Variants in CTNNA3 observed in about 807,000 individuals in gnomAD.
The protein encoded by CTNNA3 is catenin alpha-3.
CTNNA3 carries 76 observed loss-of-function variants against 95.7 expected under a neutral mutation model. The ratio of observed to expected loss-of-function variants is 0.79; its 90% CI spans 0.66 to 0.96. The LOEUF is 0.96. CTNNA3 is among the 40% of genes least tolerant of loss of function. CTNNA3 has a pLI of 0.00. For synonymous variants in CTNNA3, 431 were observed against 374.4 expected, an observed-to-expected ratio of 1.15 and a Z score of -1.74; for missense variants, 1,191 against 1,089.8, an observed-to-expected ratio of 1.09 and a Z score of -1.31.
At chr10:67,736,087 C>T (rs1039263780) in intron 1 of CTNNA3, among the ~76,000 whole-genome samples, 1 of 152,076 alleles carries the variant, frequency 6.6e-6, no homozygotes, top group East Asian at 1.9e-4. Flanking sequence ...GTGGTATATA[C>T]ATACAATGAA....
chr10:66,106,207 CA>C lies in CTNNA3; in HGVS notation c.1885-2959del, dbSNP rs532405373. On this transcript the variant is annotated intron_variant, in intron 13 of 17. Transcript: ENST00000433211. ...GGGCAACAAGAGTGAAACTCCATCTCAAAAAAAAAAAAAGAAAAAAAAATGG... is the reference window on the plus strand; with the variant it reads ...GGGCAACAAGAGTGAAACTCCATCTCAAAAAAAAAAAAGAAAAAAAAATGG... 3.6e-3 allele frequency among the ~76,000 whole-genome samples: 388 copies of C among 108,662 alleles called. 1 individual carries two copies. Among genetic ancestry groups the C allele is most frequent in the South Asian group, 0.012 (37 of 3,048 alleles). 71.3% of individuals were successfully genotyped at this position (108,662 alleles called of 152,430 possible).
chr10:67,531,725 G>A (rs1292422639), intron 4 of CTNNA3, among the ~76,000 whole-genome samples: 1 of 152,160 alleles, frequency 6.6e-6, no homozygotes, highest in Non-Finnish European at 1.5e-5. Context: ...GAGGACATGA[G>A]ATTTGGGAGG....
chr10:66,631,568 A>T (rs114922715), intron 9 of CTNNA3, among the ~76,000 whole-genome samples: 7,072 of 152,238 alleles, frequency 0.046, 285 homozygotes, highest in African/African-American at 0.1. Context: ...ATTAAAGCAA[A>T]GCAAAACTAC....
intron 5 of CTNNA3, among the ~76,000 whole-genome samples, chr10:67,319,652 T>C (rs1296133519): frequency 3.3e-5 from 5 of 151,998 alleles, no homozygotes; most frequent in Non-Finnish European, 7.4e-5. Context: ...TCGCAACACT[T>C]TGGGAAGCCT....
intron 14 of CTNNA3, among the ~76,000 whole-genome samples, chr10:66,091,819 A>G (rs2081224365): frequency 6.6e-6 from 1 of 151,892 alleles, no homozygotes; most frequent in African/African-American, 2.4e-5. Context: ...AACAGACCTA[A>G]AGCCAATTCC....
At chr10:66,841,626 G>A (rs903261530) in intron 7 of CTNNA3, among the ~76,000 whole-genome samples, 1 of 152,064 alleles carries the variant, frequency 6.6e-6, no homozygotes, top group Non-Finnish European at 1.5e-5. Context: ...AAAACAGGGG[G>A]ACTTATGAAT....
intron 15 of CTNNA3, among the ~76,000 whole-genome samples, chr10:66,044,150 A>G (rs1158040766): frequency 2.0e-5 from 3 of 152,084 alleles, no homozygotes; most frequent in Non-Finnish European, 4.4e-5. Flanking sequence ...GCATGCCACC[A>G]TGCCCGGCTA....
chr10:67,204,376 C>A (rs190452793), intron 6 of CTNNA3, among the ~76,000 whole-genome samples: 6 of 132,134 alleles, frequency 4.5e-5, no homozygotes, highest in East Asian at 2.1e-4. Context: ...GCACCTCCCC[C>A]CCTCTCTCTT....
At chr10:66,893,824 C>T (rs1589385443) in intron 7 of CTNNA3, among the ~76,000 whole-genome samples, 1 of 152,214 alleles carries the variant, frequency 6.6e-6, no homozygotes, top group Non-Finnish European at 1.5e-5. Context: ...CACAGATAAT[C>T]AAGACTGAGT....
intron 7 of CTNNA3, among the ~76,000 whole-genome samples, chr10:66,979,625 T>TG (rs1229552854): frequency 6.6e-6 from 1 of 152,060 alleles, no homozygotes; most frequent in Non-Finnish European, 1.5e-5. Flanking sequence ...ATCAGTAAAA[T>TG]GGGGAGTATA....
intron 13 of CTNNA3, among the ~76,000 whole-genome samples, chr10:66,233,938 C>A (rs1564794531): frequency 6.6e-6 from 1 of 152,086 alleles, no homozygotes; most frequent in Non-Finnish European, 1.5e-5. Flanking sequence ...CTTTACTAAA[C>A]AAAATGTCAT....
At chr10:66,978,552 A>AAATAAAAATAAAAAAATATATATATAT in intron 7 of CTNNA3, among the ~76,000 whole-genome samples, 3 of 37,866 alleles carry the variant, frequency 7.9e-5, no homozygotes, top group Non-Finnish European at 1.5e-4. Flanking sequence ...AAAAAAAAAA[A>AAATAAAAATAAAAAAATATATATATAT]ATATATATAT....
intron 5 of CTNNA3, among the ~76,000 whole-genome samples, chr10:67,354,287 T>A (rs1477701498): frequency 6.6e-6 from 1 of 151,974 alleles, no homozygotes; most frequent in African/African-American, 2.4e-5. Context: ...CCCTACAAGG[T>A]TGCTGCAGAT....
chr10:65,978,407 C>A (rs1423833696), intron 16 of CTNNA3, among the ~76,000 whole-genome samples: 1 of 151,496 alleles, frequency 6.6e-6, no homozygotes, highest in Non-Finnish European at 1.5e-5. Context: ...TTTACACCAG[C>A]CTTCCCAGAC....
chr10:67,679,444 T>C (rs1840587557), intron 1 of CTNNA3, among the ~76,000 whole-genome samples: 1 of 152,198 alleles, frequency 6.6e-6, no homozygotes, highest in Non-Finnish European at 1.5e-5. Flanking sequence ...TTTGGCATAC[T>C]AATGGAAAAT....
chr10:65,918,739 AG>A lies in CTNNA3; in HGVS notation c.*1590del, dbSNP rs1418875465. The A allele has an allele frequency of 6.6e-6, 1 of 151,702 alleles. No individual in the cohort carries two copies. Among genetic ancestry groups the A allele is most frequent in the Non-Finnish European group, 1.5e-5 (1 of 67,878 alleles). The allele number at this position is 151,702 out of a possible 1,614,324, so 9.4% of individuals were successfully genotyped here. A position where few individuals can be genotyped will look rare whatever the true frequency, so the allele number is the denominator to read the frequency against. ...TGGAAGATTGAAATAATTCATTACA[AG>A]AAATTTAACATTTCCTGCATAATTA... is the stretch of plus-strand genomic sequence containing the variant. On this transcript the variant is annotated 3_prime_UTR_variant, in exon 18 of 18. Transcript: ENST00000433211.
chr10:66,888,121 G>A (rs1845115304), intron 7 of CTNNA3, among the ~76,000 whole-genome samples: 1 of 152,114 alleles, frequency 6.6e-6, no homozygotes, highest in Admixed American at 6.6e-5. Context: ...CTATAGAAGA[G>A]TGGTCAGAGA....
chr10:67,726,989 T>C (rs1447352473), intron 1 of CTNNA3, among the ~76,000 whole-genome samples: 2 of 116,040 alleles, frequency 1.7e-5, no homozygotes, highest in Non-Finnish European at 3.2e-5. Context: ...GATACATATA[T>C]AATTATATAT....
intron 13 of CTNNA3, among the ~76,000 whole-genome samples, chr10:66,152,308 C>G (rs755434492): frequency 1.3e-5 from 2 of 151,818 alleles, no homozygotes; most frequent in Admixed American, 6.6e-5. Flanking sequence ...AAGATACAGG[C>G]ACTGATAATA....
Sources: allele counts gnomAD v4.1 joint callset (sites outside exome capture counted in the v4.1 genomes callset), GRCh38; gene constraint gnomAD v4.1.1; transcripts MANE v1.5; gene names NCBI Gene and HGNC (gene_info 2026-07-23, HGNC 2026-07-21).